The following GSE1 variants were observed in gnomAD, a reference collection of about 807,000 sequenced individuals.
The protein encoded by GSE1 is Gse1 coiled-coil protein.
In GSE1, 32 loss-of-function variants were observed where a neutral mutation model predicts 112.6. The ratio of observed to expected loss-of-function variants is 0.28; its 90% CI spans 0.21 to 0.38. The LOEUF is 0.38. GSE1 is among the 10% of genes least tolerant of loss of function. The pLI is 1.00. For synonymous variants in GSE1, 1,115 were observed against 735.6 expected (o/e 1.52, Z -8.35); for missense variants, 2,348 against 1,699.2 (o/e 1.38, Z -6.71).
At chr16:85,480,216 T>C (rs146813707) in intron 2 of GSE1, among the ~76,000 whole-genome samples, 213 of 152,338 alleles carry the variant, frequency 1.4e-3, no homozygotes, top group African/African-American at 4.8e-3. Context: ...GCAGTTTGGC[T>C]CCAGAATCTA....
At chr16:85,445,748 C>T (rs574864619) in intron 2 of GSE1, among the ~76,000 whole-genome samples, 2 of 152,192 alleles carry the variant, frequency 1.3e-5, no homozygotes, top group East Asian at 1.9e-4. Flanking sequence ...AGAGCTCCCC[C>T]CAGCCGCCCT....
At chr16:85,178,978 G>A (rs927810011) in intron 1 of GSE1, among the ~76,000 whole-genome samples, 1 of 152,146 alleles carries the variant, frequency 6.6e-6, no homozygotes, top group Non-Finnish European at 1.5e-5. Context: ...AGAAAGCATG[G>A]TGGTTTTTGT....
At position 85,502,846 on chromosome 16, in the gene GSE1, C is replaced by A. The variant is rs1192565385; in HGVS notation, c.2465-131068C>A. Among the ~76,000 whole-genome samples the A allele has an allele frequency of 2.0e-5, 3 of 152,308 alleles. No homozygotes were observed. The South Asian group carries it at 6.2e-4, about 32-fold the overall frequency. ...ACCTGGACTGGAGAGCAGCAGTGGC[C>A]CTGGGGACCAGGAGCAAGCAGGGGG... is the stretch of plus-strand genomic sequence containing the variant. On this transcript the variant is annotated intron_variant, in intron 2 of 2. Coordinates refer to the GSE1 transcript ENST00000637419.
intron 1 of GSE1, among the ~76,000 whole-genome samples, chr16:85,264,026 C>T (rs575223637): frequency 2.0e-5 from 3 of 152,266 alleles, no homozygotes; most frequent in African/African-American, 7.2e-5. Flanking sequence ...GGACCTCTCT[C>T]CCCCAGTGAG....
At chr16:85,179,735 T>A (rs150961382) in intron 1 of GSE1, among the ~76,000 whole-genome samples, 1,269 of 152,322 alleles carry the variant, frequency 8.3e-3, no homozygotes, top group African/African-American at 0.028. Flanking sequence ...CGATCGTTTT[T>A]GTTCTCCCTG....
At chr16:85,567,966 C>T (rs1460574232) in intron 1 of GSE1, among the ~76,000 whole-genome samples, 1 of 152,140 alleles carries the variant, frequency 6.6e-6, no homozygotes, top group East Asian at 1.9e-4. Flanking sequence ...TCCAGTGATC[C>T]TCCTGCCCCA....
intron 1 of GSE1, among the ~76,000 whole-genome samples, chr16:85,604,742 CAAAAAAAAAAAA>C (rs36152099): frequency 1.6e-3 from 1 of 608 alleles, no homozygotes; most frequent in African/African-American, 2.9e-3. Context: ...GAGATTCTGT[CAAAAAAAAAAAA>C]AAAAAAAAAA....
At chr16:85,554,612 A>G (rs1029462164), upstream of GSE1, among the ~76,000 whole-genome samples, 20 of 152,026 alleles carry the variant, frequency 1.3e-4, no homozygotes, top group Admixed American at 1.0e-3. Flanking sequence ...AGGGAAACAA[A>G]CCGCTCGCCC....
intron 1 of GSE1, among the ~76,000 whole-genome samples, chr16:85,630,230 C>T (rs2049428258): frequency 1.3e-5 from 2 of 152,364 alleles, no homozygotes; most frequent in South Asian, 4.1e-4. Flanking sequence ...TTGGCAGCTG[C>T]AGACTGCTGC....
At chr16:85,536,091 A>G (rs2044317531) in intron 2 of GSE1, among the ~76,000 whole-genome samples, 1 of 152,228 alleles carries the variant, frequency 6.6e-6, no homozygotes, top group Non-Finnish European at 1.5e-5. Context: ...GATTCAGAAG[A>G]ACTTGGAGGG....
intron 2 of GSE1, among the ~76,000 whole-genome samples, chr16:85,472,759 A>G (rs549875022): frequency 3.3e-5 from 5 of 152,348 alleles, no homozygotes; most frequent in Non-Finnish European, 5.9e-5. Context: ...CTAAAGGCTA[A>G]GGACAAGATC....
chr16:85,329,189 C>T lies in GSE1; in HGVS notation c.2284-28274C>T, dbSNP rs150121020. Among the ~76,000 whole-genome samples the T allele has an allele frequency of 2.6e-3, 398 of 152,324 alleles. 1 individual carries two copies. The highest frequency in any genetic ancestry group is 9.0e-3 in the African/African-American group (375 of 41,572). On this transcript the variant is annotated intron_variant, in intron 1 of 2. Coordinates refer to the GSE1 transcript ENST00000637419. Reference sequence around the variant, plus strand: ...CCAAGCCCAGCTAGAAACCCAGCATCGCCCTTTAGGAGCTAGCCAAGGCCT... The same window carrying T: ...CCAAGCCCAGCTAGAAACCCAGCATTGCCCTTTAGGAGCTAGCCAAGGCCT...
chr16:85,658,601 G>A (rs1483356847), intron 8 of GSE1, among the ~76,000 whole-genome samples: 1 of 152,232 alleles, frequency 6.6e-6, no homozygotes, highest in African/African-American at 2.4e-5. Context: ...ATGACTGGGA[G>A]TGACTGTCAC....
intron 1 of GSE1, among the ~76,000 whole-genome samples, chr16:85,297,964 C>T (rs1327309597): frequency 6.6e-6 from 1 of 152,174 alleles, no homozygotes; most frequent in African/African-American, 2.4e-5. Flanking sequence ...GAGTGGGAAA[C>T]AGGCCAGTTA....
At chr16:85,620,512 C>G (rs947302677) in intron 1 of GSE1, among the ~76,000 whole-genome samples, 10 of 152,244 alleles carry the variant, frequency 6.6e-5, no homozygotes, top group African/African-American at 1.9e-4. Flanking sequence ...GCGGTTCAAG[C>G]AAAAATTCTC....
At chr16:85,202,626 C>A (rs988249624) in intron 1 of GSE1, among the ~76,000 whole-genome samples, 1 of 152,188 alleles carries the variant, frequency 6.6e-6, no homozygotes, top group African/African-American at 2.4e-5. Context: ...ATGGGGCTGC[C>A]AGCATTCATG....
rs144607326 is a variant in GSE1 at position 85,192,985 on chromosome 16, T to C, written c.2283+21178T>C. 7.6e-4 allele frequency among the ~76,000 whole-genome samples: 116 copies of C among 152,316 alleles called. 4 individuals carry two copies. In the East Asian group the frequency reaches 0.021, roughly 27 times the overall value. ...GTCTGGCCGACTAGGGCAGGAGGGC[T>C]GTTGGAGGGGGCTGGGAGCCTGCTA... On this transcript the variant is annotated intron_variant, in intron 1 of 2. Coordinates refer to the GSE1 transcript ENST00000637419.
At chr16:85,345,869 T>G (rs1284075574) in intron 1 of GSE1, among the ~76,000 whole-genome samples, 1 of 152,156 alleles carries the variant, frequency 6.6e-6, no homozygotes, top group African/African-American at 2.4e-5. Flanking sequence ...GATGAGCAAA[T>G]GGACAGGTGG....
At chr16:85,544,372 T>TC (rs1427128171) in intron 2 of GSE1, among the ~76,000 whole-genome samples, 1 of 151,904 alleles carries the variant, frequency 6.6e-6, no homozygotes, top group African/African-American at 2.4e-5. Flanking sequence ...CATCGAGAAT[T>TC]CCCCCATCAG....
Sources: allele counts gnomAD v4.1 joint callset (sites outside exome capture counted in the v4.1 genomes callset), GRCh38; gene constraint gnomAD v4.1.1; transcripts MANE v1.5; gene names NCBI Gene and HGNC (gene_info 2026-07-23, HGNC 2026-07-21).